TAFA1: variants seen among roughly 807,000 people sequenced by gnomAD.
The protein encoded by TAFA1 is TAFA chemokine like family member 1.
Under a neutral mutation model 18.5 loss-of-function variants are expected in TAFA1, and 4 were observed. The ratio of observed to expected loss-of-function variants is 0.22; its 90% CI spans 0.11 to 0.49. The LOEUF (loss-of-function observed/expected upper bound fraction) is 0.49. TAFA1 is among the 20% of genes least tolerant of loss of function. TAFA1 has a pLI of 0.98. For missense variants in TAFA1, 147 were observed against 169.0 expected (o/e 0.87, Z 0.72); for synonymous variants, 56 against 55.2 (o/e 1.01, Z -0.06).
intron 2 of TAFA1, among the ~76,000 whole-genome samples, chr3:68,239,995 A>G (rs961811229): frequency 6.6e-6 from 1 of 152,160 alleles, no homozygotes; most frequent in African/African-American, 2.4e-5. Context: ...GCTCTTTTGT[A>G]AAATAGGTGG....
chr3:68,482,268 A>T (rs1484433762), intron 3 of TAFA1, among the ~76,000 whole-genome samples: 1 of 152,142 alleles, frequency 6.6e-6, no homozygotes, highest in Non-Finnish European at 1.5e-5. Context: ...CGGCCTCCCA[A>T]AGTGCTGGGA....
chr3:67,998,257 G>T, the TAFA1 span, among the ~76,000 whole-genome samples: 1 of 152,094 alleles, frequency 6.6e-6, no homozygotes, highest in African/African-American at 2.4e-5. Flanking sequence ...TATTTTATAC[G>T]TAGGAAGAAA....
At chr3:67,998,069 C>A in the TAFA1 span, among the ~76,000 whole-genome samples, 11 of 150,032 alleles carry the variant, frequency 7.3e-5, no homozygotes, top group African/African-American at 2.2e-4. Context: ...ACAAAAAAAA[C>A]CATATATTAA....
In TAFA1 at chr3:68,365,863, G is replaced by A. The variant is rs1045013884; in HGVS notation, c.119-51417G>A. Among the ~76,000 whole-genome samples the A allele has an allele frequency of 6.6e-5, 10 of 152,022 alleles. No homozygotes were observed. In the South Asian group the frequency reaches 8.3e-4, roughly 13 times the overall value. The stretch of plus-strand genomic sequence containing the variant: ...AGCACTTTGGTAGGCCAAGGCGGGC[G>A]GATCACAAGGTCAGGAGTTCGAGAC... On this transcript the variant is annotated intron_variant, in intron 2 of 4. Transcript: ENST00000478136.
chr3:68,293,067 T>A (rs2068140376), intron 2 of TAFA1, among the ~76,000 whole-genome samples: 1 of 152,150 alleles, frequency 6.6e-6, no homozygotes, highest in South Asian at 2.1e-4. Context: ...CTTAGGTTTG[T>A]ACTAACAGCT....
rs144163562 is a variant in TAFA1 at position 68,538,336 on chromosome 3, G to A, written c.260-420G>A. 3.9e-3 allele frequency among the ~76,000 whole-genome samples: 592 copies of A among 152,218 alleles called. 3 individuals carry two copies. The highest frequency in any genetic ancestry group is 0.014 in the African/African-American group (562 of 41,542). On this transcript the variant is annotated intron_variant, in intron 3 of 4. Coordinates refer to ENST00000478136, the MANE Select transcript of TAFA1 (RefSeq NM_213609.4). Reference sequence around the variant, plus strand: ...GTCCTAACTTTGTGGCCTTTCATTAGTTTTACAAAGGCAGTTTACTTTTGG... The same window carrying A: ...GTCCTAACTTTGTGGCCTTTCATTAATTTTACAAAGGCAGTTTACTTTTGG...
intron 2 of TAFA1, among the ~76,000 whole-genome samples, chr3:68,012,931 C>T (rs1704500601): frequency 6.6e-6 from 1 of 152,142 alleles, no homozygotes; most frequent in Admixed American, 6.5e-5. Flanking sequence ...ATGTTCTCCT[C>T]CTGGAGATTT....
chr3:68,014,866 A>G (rs989981969), intron 2 of TAFA1, among the ~76,000 whole-genome samples: 9 of 152,148 alleles, frequency 5.9e-5, no homozygotes, highest in Admixed American at 2.6e-4. Context: ...CTAAAAATTG[A>G]TGTGTAATTT....
At chr3:68,095,051 G>A (rs745363159) in intron 2 of TAFA1, among the ~76,000 whole-genome samples, 7 of 152,094 alleles carry the variant, frequency 4.6e-5, no homozygotes, top group African/African-American at 1.4e-4. Flanking sequence ...CCTCTCAGAG[G>A]CCCTTAAGTG....
At chr3:68,502,250 C>T (rs1440696895) in intron 3 of TAFA1, among the ~76,000 whole-genome samples, 1 of 151,980 alleles carries the variant, frequency 6.6e-6, no homozygotes, top group South Asian at 2.1e-4. Context: ...TCATAGCAAC[C>T]CTATAATTAA....
chr3:68,116,112 T>G (rs917110007), intron 2 of TAFA1, among the ~76,000 whole-genome samples: 2 of 151,834 alleles, frequency 1.3e-5, no homozygotes, highest in African/African-American at 4.8e-5. Flanking sequence ...AAAATTAGCC[T>G]GGCATGGTGG....
chr3:68,233,464 T>A (rs1296907503), intron 2 of TAFA1, among the ~76,000 whole-genome samples: 2 of 152,138 alleles, frequency 1.3e-5, no homozygotes, highest in Non-Finnish European at 2.9e-5. Flanking sequence ...TATTTCTGGG[T>A]TTTGTATTCT....
intron 2 of TAFA1, among the ~76,000 whole-genome samples, chr3:68,011,179 A>T (rs1704464594): frequency 6.6e-6 from 1 of 152,070 alleles, no homozygotes; most frequent in South Asian, 2.1e-4. Flanking sequence ...AATATAAATC[A>T]TCTCAAAATT....
At chr3:68,070,870 A>T (rs1381722225) in intron 2 of TAFA1, among the ~76,000 whole-genome samples, 1 of 152,180 alleles carries the variant, frequency 6.6e-6, no homozygotes, top group African/African-American at 2.4e-5. Flanking sequence ...CAAGTTCTTC[A>T]TTTCCATCTG....
intron 2 of TAFA1, among the ~76,000 whole-genome samples, chr3:68,390,165 G>A (rs185915463): frequency 1.3e-5 from 2 of 152,108 alleles, no homozygotes; most frequent in African/African-American, 4.8e-5. Context: ...CAAGCTTGGT[G>A]GGGGAAGGGG....
At chr3:68,180,896 GA>G (rs1268999459) in intron 2 of TAFA1, among the ~76,000 whole-genome samples, 1 of 152,174 alleles carries the variant, frequency 6.6e-6, no homozygotes, top group Non-Finnish European at 1.5e-5. Context: ...CAGCAAAAAC[GA>G]AGTGATGTGC....
intron 3 of TAFA1, among the ~76,000 whole-genome samples, chr3:68,498,862 G>A (rs2072603792): frequency 1.3e-5 from 2 of 150,976 alleles, no homozygotes; most frequent in Admixed American, 1.3e-4. Context: ...GACTAAAATG[G>A]TCTTCAGGGA....
intron 2 of TAFA1, among the ~76,000 whole-genome samples, chr3:68,361,492 T>TC (rs573189594): frequency 7.9e-5 from 12 of 151,946 alleles, no homozygotes; most frequent in Non-Finnish European, 1.6e-4. Flanking sequence ...AGAGAGGACT[T>TC]GAAGTGTTAT....
At chr3:68,185,834 C>T (rs190599367) in intron 2 of TAFA1, among the ~76,000 whole-genome samples, 19 of 152,084 alleles carry the variant, frequency 1.2e-4, no homozygotes, top group East Asian at 9.7e-4. Context: ...ATCCCTTGAA[C>T]CCAGGAAGTC....
Sources: gnomAD v4.1 joint callset for allele counts (sites outside exome capture counted in the v4.1 genomes callset) on GRCh38, gnomAD v4.1.1 for gene constraint, MANE v1.5 for transcripts, NCBI Gene and HGNC (gene_info 2026-07-23, HGNC 2026-07-21) for gene names.